Variants in MARK3 observed in about 807,000 individuals in gnomAD.
MARK3 encodes the protein microtubule affinity regulating kinase 3.
A neutral mutation model predicts 90.1 loss-of-function variants in MARK3; 46 were observed. The ratio of observed to expected loss-of-function variants is 0.51; its 90% confidence interval spans 0.40 to 0.65. MARK3 has a LOEUF of 0.65. Among genes scored for constraint, MARK3 ranks in the 30% least tolerant of loss-of-function variants. MARK3 has a pLI of 0.00. For synonymous variants in MARK3, 321 were observed against 332.6 expected (o/e 0.97, Z 0.38); for missense variants, 818 against 947.2 (o/e 0.86, Z 1.79).
chr14:103,487,883 C>T (rs10132290), intron 14 of MARK3, among the ~76,000 whole-genome samples: 7,134 of 151,958 alleles, frequency 0.047, 593 homozygotes, highest in African/African-American at 0.17. Context: ...CCCGTCTCTA[C>T]GAAAAATACA....
chr14:103,428,724 T>C (rs2092488543), intron 3 of MARK3, among the ~76,000 whole-genome samples: 1 of 152,180 alleles, frequency 6.6e-6, no homozygotes, highest in South Asian at 2.1e-4. Flanking sequence ...TTATTGAATA[T>C]TCTTAATATT....
chr14:103,388,350 G>A (rs1212838422), intron 1 of MARK3, among the ~76,000 whole-genome samples: 1 of 152,198 alleles, frequency 6.6e-6, no homozygotes, highest in Non-Finnish European at 1.5e-5. Flanking sequence ...TGTTCTGGAA[G>A]GAGCTGTGTA....
Position 103,401,670 on chromosome 14 carries a change from A to G in MARK3, c.52-3406A>G, listed in dbSNP as rs568517769. Among the ~76,000 whole-genome samples, 141 of 152,326 alleles carry G rather than the reference A, an allele frequency of 9.3e-4. 1 individual carries two copies. The highest frequency in any genetic ancestry group is 3.3e-3 in the African/African-American group (136 of 41,570). ...CACAGGATGTGTTCAGCTTAGTCAC[A>G]TGGCTGTCTATGCCTAACCTCAAGG... On this transcript the variant is annotated intron_variant, in intron 1 of 17. Coordinates refer to ENST00000429436, the MANE Select transcript of MARK3 (RefSeq NM_001128918.3).
intron 4 of MARK3, 142 bp downstream of exon 4, chr14:103,449,109 T>G (rs1177932419): frequency 4.0e-6 from 4 of 1,004,258 alleles, no homozygotes; most frequent in East Asian, 2.8e-5. Context: ...GTATTAGCTT[T>G]TTGAAATTGC....
At chr14:103,443,160 C>A (rs765247822) in intron 3 of MARK3, among the ~76,000 whole-genome samples, 1 of 152,062 alleles carries the variant, frequency 6.6e-6, no homozygotes, top group Non-Finnish European at 1.5e-5. Flanking sequence ...ACATGACTTA[C>A]CAAAATTAAC....
At chr14:103,404,893 T>A (rs537698854) in intron 1 of MARK3, among the ~76,000 whole-genome samples, 183 bp from the exon 2 acceptor site, 64 of 152,360 alleles carry the variant, frequency 4.2e-4, no homozygotes, top group African/African-American at 1.4e-3. Context: ...CACTTCGTAT[T>A]TTTCGTCTCA....
chr14:103,402,793 G>A (rs2091041837), intron 1 of MARK3, among the ~76,000 whole-genome samples: 1 of 152,042 alleles, frequency 6.6e-6, no homozygotes, highest in African/African-American at 2.4e-5. Context: ...AAAGGATGGA[G>A]GTTTTATAAA....
At chr14:103,450,885 TGTGTGTGTGTGTG>T (rs2093122913) in intron 4 of MARK3, among the ~76,000 whole-genome samples, 1 of 21,104 alleles carries the variant, frequency 4.7e-5, no homozygotes, top group East Asian at 6.2e-3. Context: ...AGTGTGTGTG[TGTGTGTGTGTGTG>T]TGTGTGTGTG....
At chr14:103,474,325 G>A (rs767076784) in intron 12 of MARK3, among the ~76,000 whole-genome samples, 22 of 152,156 alleles carry the variant, frequency 1.4e-4, no homozygotes, top group Non-Finnish European at 2.6e-4. Context: ...AATCTCCTGT[G>A]CTGCTATTGG....
intron 3 of MARK3, among the ~76,000 whole-genome samples, chr14:103,438,101 A>G (rs1453709283): frequency 6.6e-6 from 1 of 152,052 alleles, no homozygotes. Flanking sequence ...CCCTGGTTCA[A>G]GTGATTCCCC....
At chr14:103,386,222 G>T in intron 1 of MARK3, 142 bp downstream of exon 1, 1 of 818,104 alleles carries the variant, frequency 1.2e-6, no homozygotes. Flanking sequence ...AGGCAGCCAG[G>T]TCGGACCGTT....
At chr14:103,399,480 C>T (rs974923176) in intron 1 of MARK3, among the ~76,000 whole-genome samples, 1 of 151,906 alleles carries the variant, frequency 6.6e-6, no homozygotes, top group Non-Finnish European at 1.5e-5. Flanking sequence ...GAGGCCAAGG[C>T]GGGTGGATCA....
intron 2 of MARK3, among the ~76,000 whole-genome samples, chr14:103,428,048 C>T (rs1438473879): frequency 6.6e-6 from 1 of 152,148 alleles, no homozygotes; most frequent in Non-Finnish European, 1.5e-5. Context: ...TTTCCCCCCT[C>T]CCTTTTACAG....
At chr14:103,435,631 A>G (rs4906323) in intron 3 of MARK3, among the ~76,000 whole-genome samples, 43,243 of 151,612 alleles carry the variant, frequency 0.29, 7,185 homozygotes, top group Non-Finnish European at 0.36. Context: ...GATGGTCTCA[A>G]TCTCCTGACC....
chr14:103,397,899 C>T (rs1488727997), intron 1 of MARK3, among the ~76,000 whole-genome samples: 2 of 152,114 alleles, frequency 1.3e-5, no homozygotes, highest in Non-Finnish European at 2.9e-5. Context: ...TTATCTACTC[C>T]TGTTAGTCTC....
chr14:103,471,716 C>T (rs1482892452), intron 12 of MARK3, among the ~76,000 whole-genome samples: 1 of 151,926 alleles, frequency 6.6e-6, no homozygotes, highest in Admixed American at 6.6e-5. Flanking sequence ...CATGTGAACA[C>T]CCCATATGTG....
intron 5 of MARK3, among the ~76,000 whole-genome samples, chr14:103,456,830 TCATC>T (rs1179115375): frequency 6.6e-6 from 1 of 152,248 alleles, no homozygotes; most frequent in African/African-American, 2.4e-5. Flanking sequence ...ACAAATAACT[TCATC>T]CATTTTAATT....
intron 12 of MARK3, 69 bp from the exon 13 acceptor site, chr14:103,474,924 A>G: frequency 1.0e-5 from 13 of 1,242,350 alleles, no homozygotes; most frequent in Non-Finnish European, 1.4e-5. Flanking sequence ...CTTACAAAAT[A>G]TGGTTACTGT....
chr14:103,431,903 C>T (rs899980924), intron 3 of MARK3, among the ~76,000 whole-genome samples: 3 of 152,170 alleles, frequency 2.0e-5, no homozygotes, highest in Admixed American at 6.5e-5. Flanking sequence ...AGTAAATCCC[C>T]TCAGCCTCCT....
Sources: allele counts gnomAD v4.1 joint callset (sites outside exome capture counted in the v4.1 genomes callset), GRCh38; gene constraint gnomAD v4.1.1; transcripts MANE v1.5; gene names NCBI Gene and HGNC (gene_info 2026-07-23, HGNC 2026-07-21).